The following SPAG16 variants were observed in gnomAD, a reference collection of about 807,000 sequenced individuals.
SPAG16 encodes the protein sperm associated antigen 16.
A neutral mutation model predicts 80.4 loss-of-function variants in SPAG16; 86 were observed. The ratio of observed to expected loss-of-function variants is 1.07; its 90% confidence interval spans 0.90 to 1.28. The LOEUF (loss-of-function observed/expected upper bound fraction) is 1.28, where lower values mean the gene tolerates loss of function less well. Among genes scored for constraint, SPAG16 ranks in the 50% most tolerant of loss-of-function variants. The pLI, the probability that SPAG16 is intolerant of heterozygous loss-of-function variation, is 0.00. For synonymous variants in SPAG16, 294 were observed against 265.9 expected (o/e 1.11, Z -1.03); for missense variants, 870 against 765.3 (o/e 1.14, Z -1.61).
intron 10 of SPAG16, among the ~76,000 whole-genome samples, chr2:213,651,028 G>T (rs1003031483): frequency 1.3e-5 from 2 of 152,180 alleles, no homozygotes; most frequent in African/African-American, 4.8e-5. Flanking sequence ...TTATTTTAGG[G>T]AAGGCTTAGA....
intron 11 of SPAG16, among the ~76,000 whole-genome samples, chr2:213,915,083 C>A (rs1253296475): frequency 6.6e-6 from 1 of 151,570 alleles, no homozygotes; most frequent in Non-Finnish European, 1.5e-5. Context: ...TCACGTCTTA[C>A]ATGGTGGAGG....
At chr2:214,407,863 T>C (rs1381504275) in intron 15 of SPAG16, among the ~76,000 whole-genome samples, 3 of 152,152 alleles carry the variant, frequency 2.0e-5, no homozygotes, top group Non-Finnish European at 2.9e-5. Context: ...AGTCACACAT[T>C]ACATGCCGTG....
intron 10 of SPAG16, among the ~76,000 whole-genome samples, chr2:213,501,621 A>G (rs2074745828): frequency 6.6e-6 from 1 of 152,164 alleles, no homozygotes; most frequent in African/African-American, 2.4e-5. Flanking sequence ...TAACTACCGT[A>G]ATTTCTTAGT....
At chr2:213,312,323 A>C (rs866288410) in intron 4 of SPAG16, among the ~76,000 whole-genome samples, 1 of 151,682 alleles carries the variant, frequency 6.6e-6, no homozygotes, top group Non-Finnish European at 1.5e-5. Context: ...AGAATTCTCA[A>C]TGGGCAATGG....
At chr2:214,288,457 C>T (rs1345407291) in intron 15 of SPAG16, among the ~76,000 whole-genome samples, 1 of 152,092 alleles carries the variant, frequency 6.6e-6, no homozygotes, top group Non-Finnish European at 1.5e-5. Flanking sequence ...AGTGGGATTG[C>T]TGAATCTTAT....
chr2:214,268,464 C>T (rs1410569185), intron 15 of SPAG16, among the ~76,000 whole-genome samples: 1 of 151,894 alleles, frequency 6.6e-6, no homozygotes, highest in Non-Finnish European at 1.5e-5. Context: ...GAATACTATT[C>T]AGCCTTAAAA....
chr2:214,224,506 G>A (rs1044626102), intron 15 of SPAG16, among the ~76,000 whole-genome samples: 1 of 152,032 alleles, frequency 6.6e-6, no homozygotes, highest in East Asian at 1.9e-4. Context: ...GTTTGAAAAA[G>A]CTTTGCAACC....
At chr2:213,310,445 T>A (rs56414504) in intron 4 of SPAG16, among the ~76,000 whole-genome samples, 1 of 151,818 alleles carries the variant, frequency 6.6e-6, no homozygotes, top group Admixed American at 6.6e-5. Flanking sequence ...AAGTAATTTT[T>A]AAAAAATCAA....
chr2:214,355,175 T>A (rs1475331453), intron 15 of SPAG16, among the ~76,000 whole-genome samples: 3 of 149,840 alleles, frequency 2.0e-5, no homozygotes, highest in Non-Finnish European at 4.5e-5. Context: ...ACAAATGGGA[T>A]CTCATTAAAC....
At chr2:213,647,795 A>G (rs1271773002) in intron 10 of SPAG16, among the ~76,000 whole-genome samples, 1 of 152,206 alleles carries the variant, frequency 6.6e-6, no homozygotes, top group Non-Finnish European at 1.5e-5. Context: ...GGCCCCAGGC[A>G]CTGTCTTCTC....
At chr2:213,717,171 T>A (rs1178587964) in intron 10 of SPAG16, among the ~76,000 whole-genome samples, 4 of 151,582 alleles carry the variant, frequency 2.6e-5, no homozygotes. Context: ...TTTTTTTTTT[T>A]TTGAGACGGA....
Position 214,149,248 on chromosome 2 carries a change from G to A in SPAG16, c.1702G>A (p.Val568Met), listed in dbSNP as rs2125568069. The A allele has an allele frequency of 1.3e-6, 2 of 1,576,528 alleles. No individual in the cohort carries two copies. Residue 568 changes from valine to methionine, a missense_variant, in exon 15 of 16, where the codon GTG becomes ATG. By Grantham distance (21) the Val-to-Met change is conservative (BLOSUM62 1). Transcript: ENST00000331683. The stretch of plus-strand genomic sequence containing the variant: ...TATAGGTCCAAGTCCTGGCAATGAG[G>A]TGAATTTTGATTCATCAGGTAGGAT... ...IDIGPSPGNE[V>M]NFDSSGRVLA...
At chr2:214,092,208 A>G (rs1315551336) in intron 13 of SPAG16, among the ~76,000 whole-genome samples, 1 of 152,112 alleles carries the variant, frequency 6.6e-6, no homozygotes, top group African/African-American at 2.4e-5. Context: ...ATATAAATTT[A>G]CACATGCTGC....
At chr2:213,962,662 A>C (rs745690266) in intron 12 of SPAG16, among the ~76,000 whole-genome samples, 1 of 152,202 alleles carries the variant, frequency 6.6e-6, no homozygotes, top group Non-Finnish European at 1.5e-5. Flanking sequence ...TGAGAAATAA[A>C]TTTCTGTTGT....
chr2:213,886,195 G>A (rs772960270), intron 11 of SPAG16, among the ~76,000 whole-genome samples: 1 of 152,128 alleles, frequency 6.6e-6, no homozygotes, highest in Non-Finnish European at 1.5e-5. Context: ...AGGTAGGTCA[G>A]ATAATTTCTC....
chr2:213,898,762 TACTC>T (rs1054862801), intron 11 of SPAG16, among the ~76,000 whole-genome samples: 10 of 152,288 alleles, frequency 6.6e-5, no homozygotes, highest in East Asian at 1.9e-4. Flanking sequence ...TAAACTGAAA[TACTC>T]AGTTGGATTC....
At chr2:214,055,805 A>C (rs2049906587) in intron 13 of SPAG16, among the ~76,000 whole-genome samples, 1 of 152,186 alleles carries the variant, frequency 6.6e-6, no homozygotes, top group South Asian at 2.1e-4. Context: ...ATATTGGAGC[A>C]CATTTCTTGT....
At chr2:214,219,405 A>ATTT (rs2058507810) in intron 15 of SPAG16, among the ~76,000 whole-genome samples, 2 of 152,092 alleles carry the variant, frequency 1.3e-5, no homozygotes, top group African/African-American at 2.4e-5. Context: ...CAAATAGAAT[A>ATTT]GAAACAACTT....
At chr2:213,417,124 T>A (rs1353497516) in intron 9 of SPAG16, among the ~76,000 whole-genome samples, 1 of 152,210 alleles carries the variant, frequency 6.6e-6, no homozygotes, top group Admixed American at 6.5e-5. Context: ...AGGCATGATC[T>A]TGGCTAGACT....
Sources: allele counts gnomAD v4.1 joint callset (sites outside exome capture counted in the v4.1 genomes callset), GRCh38; gene constraint gnomAD v4.1.1; transcripts MANE v1.5; gene names NCBI Gene and HGNC (gene_info 2026-07-23, HGNC 2026-07-21).